Variants in DUSP22 observed in about 807,000 individuals in gnomAD.
DUSP22 encodes the protein dual specificity phosphatase 22.
DUSP22 carries 24 observed loss-of-function variants against 24.5 expected under a neutral mutation model. That is an observed-to-expected ratio of 0.98 (90% CI 0.71 to 1.38). The LOEUF (loss-of-function observed/expected upper bound fraction) is 1.38, where lower values mean the gene tolerates loss of function less well. Ranked by LOEUF, DUSP22 falls within the 40% of genes most tolerant of loss-of-function variation. DUSP22 has a pLI of 0.00. For missense variants in DUSP22, 330 were observed against 269.2 expected (o/e 1.23, Z -1.58); for synonymous variants, 160 against 106.4 (o/e 1.50, Z -3.10).
rs1482918221 is a variant in DUSP22, at chr6:348,997, G to T, written c.*46G>T. On this transcript the variant is annotated 3_prime_UTR_variant, in exon 7 of 7. Transcript: ENST00000419235. Reference sequence around the variant, plus strand: ...CCTTCCCACTGCTTGTCTTCAGTGTGCCCGGCTGGGCAGGGGTGCGGTGGT... The same window carrying T: ...CCTTCCCACTGCTTGTCTTCAGTGTTCCCGGCTGGGCAGGGGTGCGGTGGT... The T allele has an allele frequency of 6.5e-7, 1 of 1,549,730 alleles. No homozygotes were observed. Among genetic ancestry groups the T allele is most frequent in the Admixed American group, 2.0e-5 (1 of 51,010 alleles).
At chr6:305,465 CT>C (rs1757780190) in intron 2 of DUSP22, among the ~76,000 whole-genome samples, 2 of 152,298 alleles carry the variant, frequency 1.3e-5, no homozygotes, top group African/African-American at 4.8e-5. Context: ...GAAGCCTGTT[CT>C]TTTTAAGTCA....
rs1561677523 is a variant in DUSP22 at position 340,068 on chromosome 6, TTTG to T, written c.188+4912_188+4914del. Among the ~76,000 whole-genome samples the T allele has an allele frequency of 2.6e-5, 4 of 152,424 alleles. No homozygotes were observed. In the East Asian group the frequency reaches 7.7e-4, roughly 29 times the overall value. On this transcript the variant is annotated intron_variant, in intron 4 of 6. Transcript: ENST00000419235. ...TTTAGTCTTAGATTATGTCCTTCTT[TTTG>T]TTGTTGAAATATTCTTCTGGGAAAT...
In DUSP22 at chr6:311,895, A is replaced by T; in HGVS notation, c.71A>T (p.Glu24Val). Reference sequence around the variant, plus strand: ...TCTCTGACAGATGCCAGAGACGCGGAACAATTGAGCAAGAACAAGGTGACA... The same window carrying T: ...TCTCTGACAGATGCCAGAGACGCGGTACAATTGAGCAAGAACAAGGTGACA... ...IGNFKDARDA[E>V]QLSKNKVTHI... is the part of the protein sequence containing the mutation. The change falls in exon 3 of 7, where the codon GAA becomes GTA. Residue 24 changes from glutamate to valine, a missense_variant. Transcript: ENST00000419235. 1 of 1,612,478 alleles carries T rather than the reference A, an allele frequency of 6.2e-7. No homozygotes were observed. Among genetic ancestry groups the T allele is most frequent in the South Asian group, 1.1e-5 (1 of 90,992 alleles).
At chr6:332,344 C>T (rs768378547) in intron 3 of DUSP22, among the ~76,000 whole-genome samples, 14 of 152,414 alleles carry the variant, frequency 9.2e-5, no homozygotes, top group East Asian at 3.9e-4. Flanking sequence ...CCCACCCCAG[C>T]GACTGTGGGC....
intron 4 of DUSP22, among the ~76,000 whole-genome samples, chr6:342,903 A>G (rs1005638098): frequency 6.6e-6 from 1 of 152,304 alleles, no homozygotes; most frequent in Non-Finnish European, 1.5e-5. Context: ...CGGTTCCATT[A>G]TCTCCAGGCC....
chr6:345,965 T>G (rs1350529940), intron 5 of DUSP22, 37 bp downstream of exon 5: 2 of 1,610,490 alleles, frequency 1.2e-6, no homozygotes, highest in Non-Finnish European at 8.5e-7. Flanking sequence ...CCTTAGCGTA[T>G]TCTGGTCGGC....
At chr6:301,929 T>C (rs1358023335) in intron 1 of DUSP22, among the ~76,000 whole-genome samples, 4 of 152,300 alleles carry the variant, frequency 2.6e-5, no homozygotes, top group Admixed American at 6.5e-5. Flanking sequence ...TTAAAGATAA[T>C]ATAAAATGTA....
chr6:347,297 G>T (rs1336066743), intron 5 of DUSP22, among the ~76,000 whole-genome samples: 1 of 152,308 alleles, frequency 6.6e-6, no homozygotes, highest in East Asian at 1.9e-4. Context: ...ATTTGAATAT[G>T]TGTAGGCCTG....
chr6:294,963 A>G (rs1390122350), intron 1 of DUSP22, among the ~76,000 whole-genome samples: 1 of 152,288 alleles, frequency 6.6e-6, no homozygotes, highest in Non-Finnish European at 1.5e-5. Flanking sequence ...AGGAGGAACT[A>G]CCCCAAATCA....
At chr6:332,332 C>G (rs980263689) in intron 3 of DUSP22, among the ~76,000 whole-genome samples, 1 of 152,308 alleles carries the variant, frequency 6.6e-6, no homozygotes, top group Non-Finnish European at 1.5e-5. Context: ...CAGCTCCACA[C>G]GCCCACCCCA....
chr6:292,785 G>T (rs1205466435), intron 1 of DUSP22, among the ~76,000 whole-genome samples: 2 of 152,236 alleles, frequency 1.3e-5, no homozygotes, highest in South Asian at 2.1e-4. Flanking sequence ...CCAGCCGCCT[G>T]CCTTGCCAGC....
intron 3 of DUSP22, among the ~76,000 whole-genome samples, chr6:334,262 A>G (rs1759267035): frequency 6.6e-6 from 1 of 152,308 alleles, no homozygotes; most frequent in Admixed American, 6.5e-5. Context: ...TAAGAGAGGA[A>G]TAATTTAAAA....
intron 3 of DUSP22, among the ~76,000 whole-genome samples, chr6:334,148 C>A (rs868600167): frequency 6.6e-6 from 1 of 152,308 alleles, no homozygotes; most frequent in Non-Finnish European, 1.5e-5. Flanking sequence ...CCCTCTTCTG[C>A]CTCTGTGCTT....
At chr6:301,204 ACCAATAAGATAAATGG>A (rs1359917274) in intron 1 of DUSP22, among the ~76,000 whole-genome samples, 7 of 152,278 alleles carry the variant, frequency 4.6e-5, no homozygotes, top group Non-Finnish European at 8.8e-5. Context: ...AGACTGGAAA[ACCAATAAGATAAATGG>A]CCATTACAGG....
intron 3 of DUSP22, among the ~76,000 whole-genome samples, chr6:334,776 G>A (rs1262527849): frequency 6.6e-6 from 1 of 152,308 alleles, no homozygotes; most frequent in Admixed American, 6.5e-5. Flanking sequence ...TAAAAAATTT[G>A]GAATATATAA....
intron 4 of DUSP22, among the ~76,000 whole-genome samples, chr6:344,992 G>A (rs538622070): frequency 1.4e-4 from 21 of 152,412 alleles, no homozygotes; most frequent in African/African-American, 4.3e-4. Flanking sequence ...GGGGGGCGCC[G>A]TCCAGAACTT....
chr6:313,937 C>T (rs965169411), intron 3 of DUSP22, among the ~76,000 whole-genome samples: 1 of 152,304 alleles, frequency 6.6e-6, no homozygotes, highest in Admixed American at 6.5e-5. Flanking sequence ...TAGCTGTCTG[C>T]CTGGGGCACA....
At chr6:345,545 T>C (rs1429020665) in intron 4 of DUSP22, among the ~76,000 whole-genome samples, 1 of 152,306 alleles carries the variant, frequency 6.6e-6, no homozygotes, top group Non-Finnish European at 1.5e-5. Context: ...GATTATTTGA[T>C]TATAGCAAAT....
intron 4 of DUSP22, among the ~76,000 whole-genome samples, chr6:341,791 G>C (rs994368829): frequency 6.6e-6 from 1 of 152,286 alleles, no homozygotes; most frequent in South Asian, 2.1e-4. Flanking sequence ...AAGAGCTACC[G>C]GGGGGTGGTG....
Sources: allele counts gnomAD v4.1 joint callset (sites outside exome capture counted in the v4.1 genomes callset), GRCh38; gene constraint gnomAD v4.1.1; transcripts MANE v1.5; gene names NCBI Gene and HGNC (gene_info 2026-07-23, HGNC 2026-07-21).